NIPBL: variants seen among roughly 807,000 people sequenced by gnomAD.
NIPBL encodes nipped-B-like protein.
A neutral mutation model predicts 321.8 loss-of-function variants in NIPBL; 19 were observed. The observed-to-expected ratio is 0.06, with a 90% CI of 0.04 to 0.09. NIPBL has a LOEUF of 0.09. NIPBL is among the 10% of genes least tolerant of loss of function. The pLI is 1.00. For synonymous variants in NIPBL, 1,106 were observed against 1,114.1 expected (o/e 0.99, Z 0.14); for missense variants, 2,210 against 3,327.0 (o/e 0.66, Z 8.26).
intron 5 of NIPBL, among the ~76,000 whole-genome samples, 154 bp from the exon 6 acceptor site, chr5:36,961,969 G>A (rs1212304206): frequency 6.6e-6 from 1 of 152,076 alleles, no homozygotes; most frequent in Non-Finnish European, 1.5e-5. Context: ...AACAATTTTT[G>A]TATGTTATTT....
At chr5:36,914,674 A>G (rs1251051120) in intron 1 of NIPBL, among the ~76,000 whole-genome samples, 1 of 152,228 alleles carries the variant, frequency 6.6e-6, no homozygotes, top group Non-Finnish European at 1.5e-5. Flanking sequence ...CGAAATTTGA[A>G]ACACTTCTGG....
chr5:37,010,665 A>C (rs1249431691), intron 21 of NIPBL, among the ~76,000 whole-genome samples: 1 of 152,136 alleles, frequency 6.6e-6, no homozygotes, highest in Non-Finnish European at 1.5e-5. Context: ...TTAGAGCACT[A>C]GACATGGTGT....
chr5:36,986,334 A>G, intron 10 of NIPBL, 33 bp downstream of exon 10: 1 of 1,361,162 alleles, frequency 7.3e-7, no homozygotes, highest in Non-Finnish European at 9.7e-7. Flanking sequence ...CATTTATAAT[A>G]TAATCGATTT....
intron 1 of NIPBL, among the ~76,000 whole-genome samples, chr5:36,888,959 A>G (rs1746121266): frequency 6.6e-6 from 1 of 152,182 alleles, no homozygotes; most frequent in Admixed American, 6.5e-5. Flanking sequence ...GAATGAATAG[A>G]ATCAATCTAA....
intron 1 of NIPBL, among the ~76,000 whole-genome samples, chr5:36,918,203 G>C (rs71617772): frequency 0.085 from 12,973 of 152,190 alleles, 763 homozygotes; most frequent in Non-Finnish European, 0.13. Context: ...ATTTCGTTGA[G>C]CAGTGGTATG....
intron 32 of NIPBL, among the ~76,000 whole-genome samples, chr5:37,032,438 T>TGTGTGTGTG (rs55748684): frequency 1.0e-5 from 1 of 98,282 alleles, no homozygotes; most frequent in Non-Finnish European, 2.2e-5. Context: ...TGTGTGTGTG[T>TGTGTGTGTG]AGTGTGTGTG....
At chr5:36,981,754 A>G (rs1744171415) in intron 9 of NIPBL, among the ~76,000 whole-genome samples, 1 of 151,660 alleles carries the variant, frequency 6.6e-6, no homozygotes, top group South Asian at 2.1e-4. Flanking sequence ...CATGTTAGCA[A>G]GTATAAGGAA....
At chr5:37,061,979 T>C (rs1289376707) in intron 45 of NIPBL, among the ~76,000 whole-genome samples, 1 of 152,148 alleles carries the variant, frequency 6.6e-6, no homozygotes, top group East Asian at 1.9e-4. Flanking sequence ...ATAGCTGGGA[T>C]TACAGGCGCC....
rs558867335 is a variant in NIPBL at position 36,877,104 on chromosome 5, C to A, written c.-154C>A. On this transcript the variant is annotated 5_prime_UTR_variant, in exon 1 of 47. Coordinates refer to ENST00000282516, the MANE Select transcript of NIPBL (RefSeq NM_133433.4). ...CGGAAGAGGAGCCGTAGCCACCCCC[C>A]CTCCCGGCCCGGATTATAGTCTCTC... 1.2e-4 allele frequency: 41 copies of A among 352,456 alleles called. No homozygotes were observed. Among genetic ancestry groups the A allele is most frequent in the Middle Eastern group, 1.5e-3 (2 of 1,360 alleles). The allele number at this position is 352,456 out of a possible 1,614,324, so 21.8% of individuals were successfully genotyped here. A position where few individuals can be genotyped will look rare whatever the true frequency, so the allele number is the denominator to read the frequency against.
In NIPBL at chr5:36,971,059, G is replaced by A. The variant is rs1420597863; in HGVS notation, c.771+23G>A. On this transcript the variant is annotated intron_variant, in intron 7 of 46. Transcript: ENST00000282516. ...GACGTATGTAATATATTATCATTAA[G>A]GTGATAAAATAGTTCTAATATTTGT... 11 of 1,587,728 alleles carry A rather than the reference G, an allele frequency of 6.9e-6. No individual in the cohort carries two copies. In the East Asian group the frequency reaches 2.2e-4, roughly 32 times the overall value.
At chr5:36,918,919 C>T (rs1433045308) in intron 1 of NIPBL, among the ~76,000 whole-genome samples, 3 of 152,098 alleles carry the variant, frequency 2.0e-5, no homozygotes, top group South Asian at 2.1e-4. Flanking sequence ...CTGCTGGATT[C>T]GCTTTGCCAA....
At chr5:36,971,588 A>G (rs1275858547) in intron 7 of NIPBL, among the ~76,000 whole-genome samples, 2 of 152,116 alleles carry the variant, frequency 1.3e-5, no homozygotes, top group East Asian at 1.9e-4. Flanking sequence ...ATTGTAATTT[A>G]TGTAAGCTGC....
intron 45 of NIPBL, among the ~76,000 whole-genome samples, chr5:37,063,126 G>A (rs1754958573): frequency 6.6e-6 from 1 of 152,042 alleles, no homozygotes. Flanking sequence ...ATCACTCGAG[G>A]CCAGAGGTTT....
At chr5:37,053,348 T>C (rs976720603) in intron 42 of NIPBL, among the ~76,000 whole-genome samples, 25 of 152,340 alleles carry the variant, frequency 1.6e-4, no homozygotes, top group African/African-American at 5.5e-4. Context: ...GATAATCTTA[T>C]GGGACCATCA....
At chr5:37,056,633 G>GT (rs1451765573) in intron 42 of NIPBL, among the ~76,000 whole-genome samples, 5 of 152,020 alleles carry the variant, frequency 3.3e-5, no homozygotes, top group South Asian at 4.1e-4. Context: ...TGGGATTTGG[G>GT]TTTTTTCTTT....
rs1179683033 is a variant in NIPBL, at chr5:37,064,919, C to T, written c.*27C>T. The T allele has an allele frequency of 5.6e-6, 9 of 1,613,442 alleles. No individual in the cohort carries two copies. The highest frequency in any genetic ancestry group is 2.2e-5 in the East Asian group (1 of 44,878). On this transcript the variant is annotated 3_prime_UTR_variant, in exon 47 of 47. Coordinates refer to ENST00000282516, the MANE Select transcript of NIPBL (RefSeq NM_133433.4). ...GAATTTGTACATGCAGCCAAATTTACAGGAATTTTTTTAAAAGGCAGAAAA... is the reference window on the plus strand; with the variant it reads ...GAATTTGTACATGCAGCCAAATTTATAGGAATTTTTTTAAAAGGCAGAAAA...
intron 22 of NIPBL, among the ~76,000 whole-genome samples, 160 bp downstream of exon 22, chr5:37,014,925 TTAAAAATC>T (rs1748758436): frequency 6.6e-6 from 1 of 152,152 alleles, no homozygotes; most frequent in African/African-American, 2.4e-5. Flanking sequence ...AATTGGAGTA[TTAAAAATC>T]TAAAATTGGG....
chr5:37,020,738 A>G (rs778433659), intron 26 of NIPBL, 37 bp from the exon 27 acceptor site: 22 of 1,607,866 alleles, frequency 1.4e-5, no homozygotes, highest in Non-Finnish European at 1.5e-5. Flanking sequence ...AAGTTACAAA[A>G]AAAGAAAAAT....
chr5:37,051,699 T>A (rs767921158), intron 40 of NIPBL, 80 bp from the exon 41 acceptor site: 1 of 889,242 alleles, frequency 1.1e-6, no homozygotes, highest in Non-Finnish European at 1.9e-6. Flanking sequence ...ATATCTCAGA[T>A]ATATGAAAAG....
Sources: allele counts gnomAD v4.1 joint callset (sites outside exome capture counted in the v4.1 genomes callset), GRCh38; gene constraint gnomAD v4.1.1; transcripts MANE v1.5; gene names NCBI Gene and HGNC (gene_info 2026-07-23, HGNC 2026-07-21).